The following HIPK2 variants were observed in gnomAD, a reference collection of about 807,000 sequenced individuals.
HIPK2 encodes the protein homeodomain-interacting protein kinase 2.
Under a neutral mutation model 113.7 loss-of-function variants are expected in HIPK2, and 27 were observed. The ratio of observed to expected loss-of-function variants is 0.24; its 90% CI spans 0.17 to 0.33. The LOEUF (loss-of-function observed/expected upper bound fraction) is 0.33, where lower values mean the gene tolerates loss of function less well. Among genes scored for constraint, HIPK2 ranks in the 10% least tolerant of loss-of-function variants. The pLI is 1.00. For synonymous variants in HIPK2, 631 were observed against 642.2 expected (o/e 0.98, Z 0.26); for missense variants, 1,257 against 1,588.0 (o/e 0.79, Z 3.54).
chr7:139,651,194 A>G (rs1042214616), intron 2 of HIPK2, among the ~76,000 whole-genome samples: 15 of 152,146 alleles, frequency 9.9e-5, no homozygotes, highest in African/African-American at 3.6e-4. Flanking sequence ...ATGGGAACCA[A>G]TGAAGCACTT....
intron 10 of HIPK2, among the ~76,000 whole-genome samples, chr7:139,602,903 G>C (rs1186420864): frequency 6.6e-6 from 1 of 152,168 alleles, no homozygotes; most frequent in Admixed American, 6.5e-5. Context: ...GTGCATAAAG[G>C]TTAACTTGCC....
chr7:139,761,434 G>A (rs533167332), intron 1 of HIPK2, among the ~76,000 whole-genome samples: 122 of 152,362 alleles, frequency 8.0e-4, no homozygotes, highest in African/African-American at 2.7e-3. Flanking sequence ...ATCCCCAGTA[G>A]TGGGCCTTTT....
At chr7:139,723,602 A>G (rs1569481168) in intron 1 of HIPK2, among the ~76,000 whole-genome samples, 1 of 152,238 alleles carries the variant, frequency 6.6e-6, no homozygotes, top group Non-Finnish European at 1.5e-5. Context: ...TTTCACAATT[A>G]GATGAACTGA....
At position 139,583,935 on chromosome 7, in the gene HIPK2, G is replaced by A. The variant is rs2116548680; in HGVS notation, c.2847C>T (p.Ala949=). 6.2e-7 allele frequency: 1 copy of A among 1,614,054 alleles called. No individual in the cohort carries two copies. The highest frequency in any genetic ancestry group is 2.2e-5 in the East Asian group (1 of 44,886). ...TCTCCAGGCTCCCCTTGGTGTCAAA[G>A]GCATTGGCATTGTTGTGCCCAGCAC... ...QQRAGHNNAN[A]FDTKGSLENH... is the part of the protein sequence containing the mutation. The change falls in exon 13 of 15, where the codon GCC becomes GCT. Residue 949 remains alanine, a synonymous_variant. Coordinates refer to ENST00000406875, the MANE Select transcript of HIPK2 (RefSeq NM_022740.5).
chr7:139,674,984 C>T (rs10262234), intron 2 of HIPK2, among the ~76,000 whole-genome samples: 110,772 of 152,000 alleles, frequency 0.73, 41,382 homozygotes, highest in Middle Eastern at 0.81. Context: ...CCTTTGTCAT[C>T]GTAAGGCTAA....
chr7:139,651,208 A>T (rs1329841507), intron 2 of HIPK2, among the ~76,000 whole-genome samples: 1 of 152,122 alleles, frequency 6.6e-6, no homozygotes, highest in Admixed American at 6.5e-5. Context: ...AGCACTTTCT[A>T]AAAAGGTAGG....
rs73156844 is a variant in HIPK2 at position 139,601,351 on chromosome 7, C to T, written c.2256-755G>A. Among the ~76,000 whole-genome samples, 1,280 of 152,142 alleles carry T rather than the reference C, an allele frequency of 8.4e-3. 10 individuals carry two copies. Among genetic ancestry groups the T allele is most frequent in the Middle Eastern group, 0.02 (6 of 294 alleles). On this transcript the variant is annotated intron_variant, in intron 10 of 14. Transcript: ENST00000406875. The stretch of plus-strand genomic sequence containing the variant: ...TGGGTTATTTTATTCCACTCTGTGA[C>T]GTAGGCAGGATATCTTAGCAATACC...
intron 1 of HIPK2, among the ~76,000 whole-genome samples, chr7:139,770,462 A>G (rs1338199200): frequency 6.6e-6 from 1 of 152,248 alleles, no homozygotes; most frequent in Non-Finnish European, 1.5e-5. Flanking sequence ...TTACTTGGGA[A>G]TAACGATTCC....
chr7:139,703,288 T>G (rs1794766137), intron 2 of HIPK2, among the ~76,000 whole-genome samples: 1 of 152,158 alleles, frequency 6.6e-6, no homozygotes, highest in Non-Finnish European at 1.5e-5. Flanking sequence ...CACATCATCC[T>G]AAAACCTCCC....
intron 2 of HIPK2, among the ~76,000 whole-genome samples, chr7:139,658,843 C>G (rs909980293): frequency 6.6e-6 from 1 of 152,336 alleles, no homozygotes; most frequent in South Asian, 2.1e-4. Flanking sequence ...GGTCACTGCA[C>G]TACTAGTCTT....
At chr7:139,759,118 A>G (rs1796423016) in intron 1 of HIPK2, among the ~76,000 whole-genome samples, 1 of 152,254 alleles carries the variant, frequency 6.6e-6, no homozygotes, top group South Asian at 2.1e-4. Context: ...ACATAGTGGG[A>G]AAATGTCTGA....
In HIPK2 at chr7:139,716,982, T is replaced by G; in HGVS notation, c.53A>C (p.His18Pro). ...MASHVQVFSP[H>P]TLQSSAFCSV... Reference sequence around the variant, plus strand: ...ACAGAAGGCACTTGATTGAAGGGTGTGAGGGGAGAAAACTTGCACATGTGA... The same window carrying G: ...ACAGAAGGCACTTGATTGAAGGGTGGGAGGGGAGAAAACTTGCACATGTGA... The change falls in exon 2 of 15, where the codon CAC becomes CCC. Residue 18 changes from histidine (H) to proline (P), a missense_variant. His to Pro is a moderately conservative substitution (Grantham distance 77, BLOSUM62 -2). Coordinates refer to ENST00000406875, the MANE Select transcript of HIPK2 (RefSeq NM_022740.5). The surrounding 1 kb of genome is among the most constrained non-coding windows in gnomAD (Gnocchi z 9.3). The G allele has an allele frequency of 6.2e-7, 1 of 1,611,916 alleles. No individual in the cohort carries two copies. The highest frequency in any genetic ancestry group is 1.7e-5 in the Admixed American group (1 of 59,984).
At chr7:139,751,609 T>G (rs1051661172) in intron 1 of HIPK2, among the ~76,000 whole-genome samples, 11 of 151,826 alleles carry the variant, frequency 7.2e-5, no homozygotes. Context: ...GATGGATGGA[T>G]GGATGGATGG....
intron 2 of HIPK2, among the ~76,000 whole-genome samples, chr7:139,654,411 G>A (rs1395269627): frequency 6.6e-6 from 1 of 152,122 alleles, no homozygotes; most frequent in Non-Finnish European, 1.5e-5. Context: ...TACTCTGGAG[G>A]GTGAGGCAGG....
At chr7:139,771,069 G>C (rs1327570336) in intron 1 of HIPK2, among the ~76,000 whole-genome samples, 1 of 152,076 alleles carries the variant, frequency 6.6e-6, no homozygotes, top group Non-Finnish European at 1.5e-5. Flanking sequence ...AAGAGAGGGA[G>C]GACTACCCTC....
intron 2 of HIPK2, among the ~76,000 whole-genome samples, chr7:139,655,098 A>G (rs73156874): frequency 0.058 from 8,847 of 152,248 alleles, 327 homozygotes; most frequent in African/African-American, 0.11. Flanking sequence ...TTGGATAAGA[A>G]AGTGTCCCTA....
intron 2 of HIPK2, among the ~76,000 whole-genome samples, chr7:139,705,275 G>A (rs1453683917): frequency 1.3e-5 from 2 of 152,224 alleles, no homozygotes; most frequent in Non-Finnish European, 2.9e-5. Context: ...CTGTGTGCCA[G>A]GCATGGCAGA....
At chr7:139,626,861 C>A in intron 5 of HIPK2, 76 bp from the exon 6 acceptor site, 2 of 1,532,614 alleles carry the variant, frequency 1.3e-6, no homozygotes, top group Non-Finnish European at 1.8e-6. Context: ...TTATTTTTTG[C>A]CCTGTAACTT....
chr7:139,583,907 G>A lies in HIPK2; in HGVS notation c.2875C>T (p.His959Tyr), dbSNP rs1356155854. 1 of 1,613,978 alleles carries A rather than the reference G, an allele frequency of 6.2e-7. No homozygotes were observed. The highest frequency in any genetic ancestry group is 1.1e-5 in the South Asian group (1 of 91,086). Residue 959 changes from histidine (H) to tyrosine (Y), a missense_variant, in exon 13 of 15, where the codon CAC (histidine) becomes TAC (tyrosine). His to Tyr is a moderately conservative substitution (Grantham distance 83). Coordinates refer to ENST00000406875, the MANE Select transcript of HIPK2 (RefSeq NM_022740.5). ...ATGGTTCGGGGGTTCCCCGTGCAGT[G>A]ATTCTCCAGGCTCCCCTTGGTGTCA... ...AFDTKGSLEN[H>Y]CTGNPRTIIV...
Sources: gnomAD v4.1 joint callset for allele counts (sites outside exome capture counted in the v4.1 genomes callset) on GRCh38, gnomAD v4.1.1 for gene constraint, Gnocchi (gnomAD v3.1) non-coding constraint, MANE v1.5 for transcripts, NCBI Gene and HGNC (gene_info 2026-07-23, HGNC 2026-07-21) for gene names.